Variants in P2RX3 observed in about 807,000 individuals in gnomAD.
P2RX3 encodes purinergic receptor P2X 3, also known as P2X purinoceptor 3.
In P2RX3, 41 loss-of-function variants were observed where a neutral mutation model predicts 51.5. The observed-to-expected ratio is 0.80, with a 90% CI of 0.62 to 1.03. The LOEUF is 1.03. Ranked by LOEUF, P2RX3 falls within the 50% of genes least tolerant of loss-of-function variation. The probability of loss-of-function intolerance (pLI) is 0.00; values close to 1 mark genes in which losing one functional copy is unlikely to be tolerated. For missense variants in P2RX3, 459 were observed against 522.1 expected, an observed-to-expected ratio of 0.88 and a Z score of 1.18; for synonymous variants, 185 against 191.6, an observed-to-expected ratio of 0.97 and a Z score of 0.29.
chr11:57,368,727 G>A (rs900304728), intron 10 of P2RX3, among the ~76,000 whole-genome samples: 12 of 152,142 alleles, frequency 7.9e-5, no homozygotes, highest in Admixed American at 7.9e-4. Flanking sequence ...TGGGGGAGGA[G>A]GCTCTGGGTT....
At position 57,342,618 on chromosome 11, in the gene P2RX3, G is replaced by A. The variant is rs535854720; in HGVS notation, c.120-3926G>A. Among the ~76,000 whole-genome samples, 15 of 152,206 alleles carry A rather than the reference G, an allele frequency of 9.9e-5. No individual in the cohort carries two copies. In the South Asian group the frequency reaches 2.1e-3, roughly 21 times the overall value. ...CCTAAGAGTGACTTTACATCTCTAA[G>A]TCTCAGTCCCCATATCTGGAAAATG... On this transcript the variant is annotated intron_variant, in intron 1 of 11. Coordinates refer to ENST00000263314, the MANE Select transcript of P2RX3 (RefSeq NM_002559.5).
intron 1 of P2RX3, among the ~76,000 whole-genome samples, chr11:57,343,116 C>A (rs1456803568): frequency 1.3e-5 from 2 of 152,248 alleles, no homozygotes; most frequent in African/African-American, 4.8e-5. Flanking sequence ...AATGAAGCAT[C>A]CCCTTCTTTC....
In P2RX3 at chr11:57,347,453, C is replaced by T. The variant is rs772621106; in HGVS notation, c.366C>T (p.Cys122=). 1.2e-5 allele frequency: 19 copies of T among 1,558,158 alleles called. No individual in the cohort carries two copies. The highest frequency in any genetic ancestry group is 1.9e-5 in the Admixed American group (1 of 52,212). ...EKYRCVSDSQ[C]GPERLPGGGI... The stretch of plus-strand genomic sequence containing the variant: ...ACCGCTGTGTATCAGACAGCCAGTG[C>T]GGGCCTGAGCGCTTGCCAGGTGGGG... The change falls in exon 4 of 12, where the codon TGC becomes TGT. Residue 122 remains cysteine, a synonymous_variant. Transcript: ENST00000263314.
At chr11:57,347,547 T>C in intron 4 of P2RX3, 69 bp downstream of exon 4, 2 of 1,501,312 alleles carry the variant, frequency 1.3e-6, no homozygotes, top group Non-Finnish European at 9.1e-7. Context: ...GAGCCCGTCG[T>C]TGGAGAGGGA....
At chr11:57,342,202 C>T (rs1416595881) in intron 1 of P2RX3, among the ~76,000 whole-genome samples, 1 of 126,842 alleles carries the variant, frequency 7.9e-6, no homozygotes, top group Non-Finnish European at 1.6e-5. Context: ...CTCTGTCCCT[C>T]AGGCCGGAGT....
chr11:57,338,969 G>A (rs746358199), intron 1 of P2RX3, among the ~76,000 whole-genome samples: 4 of 152,162 alleles, frequency 2.6e-5, no homozygotes, highest in Admixed American at 1.3e-4. Context: ...GGGCTCAGGA[G>A]CTCCATCTCC....
At chr11:57,350,737 G>T in intron 7 of P2RX3, 25 bp from the exon 8 acceptor site, 1 of 1,612,538 alleles carries the variant, frequency 6.2e-7, no homozygotes, top group Non-Finnish European at 8.5e-7. Flanking sequence ...CGAGGGGAAA[G>T]CTCATACCCG....
intron 8 of P2RX3, among the ~76,000 whole-genome samples, chr11:57,358,346 G>C (rs1856662659): frequency 6.6e-6 from 1 of 152,160 alleles, no homozygotes; most frequent in South Asian, 2.1e-4. Flanking sequence ...TCACATGCTG[G>C]GCTTTGTGGC....
At chr11:57,364,110 A>G (rs1364534956) in intron 8 of P2RX3, among the ~76,000 whole-genome samples, 1 of 152,170 alleles carries the variant, frequency 6.6e-6, no homozygotes, top group Non-Finnish European at 1.5e-5. Context: ...GCCTTTGGCC[A>G]GCAGTAAAGA....
chr11:57,336,998 G>A (rs758580119), upstream of P2RX3, among the ~76,000 whole-genome samples: 11 of 152,148 alleles, frequency 7.2e-5, no homozygotes, highest in Admixed American at 3.3e-4. Context: ...TGAACAAGGT[G>A]AAAACATCCC....
At chr11:57,356,564 A>G (rs1336976081) in intron 8 of P2RX3, among the ~76,000 whole-genome samples, 2 of 152,202 alleles carry the variant, frequency 1.3e-5, no homozygotes, top group African/African-American at 4.8e-5. Context: ...AGCTTTCATG[A>G]AGCTCGGAGA....
chr11:57,347,311 C>T (rs1439721768), intron 3 of P2RX3, 104 bp from the exon 4 acceptor site: 12 of 1,475,046 alleles, frequency 8.1e-6, no homozygotes, highest in Non-Finnish European at 9.3e-6. Context: ...GACCTGGGAC[C>T]TCCACCCTCC....
chr11:57,349,666 C>A (rs142160127), intron 6 of P2RX3, 91 bp from the exon 7 acceptor site: 4 of 1,531,502 alleles, frequency 2.6e-6, no homozygotes, highest in South Asian at 2.3e-5. Flanking sequence ...TCAGATCCCC[C>A]CTAGGCCTGG....
chr11:57,341,619 G>A (rs554669557), intron 1 of P2RX3, among the ~76,000 whole-genome samples: 14 of 152,218 alleles, frequency 9.2e-5, no homozygotes, highest in South Asian at 6.2e-4. Context: ...GCCCATCCCC[G>A]TTCTGGATCC....
chr11:57,371,917 A>G lies in P2RX3; in HGVS notation c.*1920A>G, dbSNP rs1590647595. Among the ~76,000 whole-genome samples the G allele has an allele frequency of 7.8e-6, 1 of 128,372 alleles. No homozygotes were observed. Among genetic ancestry groups the G allele is most frequent in the African/African-American group, 2.9e-5 (1 of 34,736 alleles). The allele number at this position is 128,372 out of a possible 152,430, so 84.2% of individuals were successfully genotyped here. A position where few individuals can be genotyped will look rare whatever the true frequency, so the allele number is the denominator to read the frequency against. ...CCCCCCCAACCCCTCCCTTTTACCC[A>G]GATGGAGGTGGTCCTCCTGTAGGTG... is the stretch of plus-strand genomic sequence containing the variant. On this transcript the variant is annotated 3_prime_UTR_variant, in exon 12 of 12. Transcript: ENST00000263314.
At chr11:57,364,891 A>G (rs1265107854) in intron 8 of P2RX3, among the ~76,000 whole-genome samples, 1 of 150,772 alleles carries the variant, frequency 6.6e-6, no homozygotes, top group Non-Finnish European at 1.5e-5. Context: ...TCTCATTCTT[A>G]CTCTGGGTCT....
At chr11:57,353,286 C>T (rs1341674654) in intron 8 of P2RX3, among the ~76,000 whole-genome samples, 1 of 152,182 alleles carries the variant, frequency 6.6e-6, no homozygotes, top group African/African-American at 2.4e-5. Context: ...ACCCTGTGTG[C>T]AAAACGTTTT....
chr11:57,368,000 G>C lies in P2RX3; in HGVS notation c.843-9G>C. ...CACAGAGGGACCCATCTCTGCCTCT[G>C]ACCTCCAGGTTTGCCAAGTACTACA... is the stretch of plus-strand genomic sequence containing the variant. On this transcript the variant is annotated splice_polypyrimidine_tract_variant and intron_variant, in intron 8 of 11. Coordinates refer to ENST00000263314, the MANE Select transcript of P2RX3 (RefSeq NM_002559.5). 1 of 1,612,592 alleles carries C rather than the reference G, an allele frequency of 6.2e-7. No individual in the cohort carries two copies. Among genetic ancestry groups the C allele is most frequent in the Non-Finnish European group, 8.5e-7 (1 of 1,178,554 alleles).
At position 57,370,734 on chromosome 11, in the gene P2RX3, ATCACTCCCCATAGC is replaced by A; in HGVS notation, c.*740_*753del. On this transcript the variant is annotated 3_prime_UTR_variant, in exon 12 of 12. Coordinates refer to ENST00000263314, the MANE Select transcript of P2RX3 (RefSeq NM_002559.5). ...CATGGCTGTCAGTGAATTTTTCCTC[ATCACTCCCCATAGC>A]TCTCTCCCCAAACCAGGGAAGGGGT... 1 of 152,318 alleles carries A rather than the reference ATCACTCCCCATAGC, an allele frequency of 6.6e-6. No individual in the cohort carries two copies. Among genetic ancestry groups the A allele is most frequent in the East Asian group, 1.9e-4 (1 of 5,178 alleles). 9.4% of individuals were successfully genotyped at this position (152,318 alleles called of 1,614,324 possible).
Sources: gnomAD v4.1 joint callset for allele counts (sites outside exome capture counted in the v4.1 genomes callset) on GRCh38, gnomAD v4.1.1 for gene constraint, MANE v1.5 for transcripts, NCBI Gene and HGNC (gene_info 2026-07-23, HGNC 2026-07-21) for gene names.